The following SHOC2 variants were observed in gnomAD, a reference collection of about 807,000 sequenced individuals.
The protein encoded by SHOC2 is leucine-rich repeat protein SHOC-2.
A neutral mutation model predicts 50.2 loss-of-function variants in SHOC2; 4 were observed. The observed-to-expected ratio is 0.08, with a 90% CI of 0.04 to 0.18. The LOEUF is 0.18. SHOC2 is among the 10% of genes least tolerant of loss of function. The probability of loss-of-function intolerance (pLI) is 1.00; values close to 1 mark genes in which losing one functional copy is unlikely to be tolerated. For synonymous variants in SHOC2, 218 were observed against 244.5 expected (o/e 0.89, Z 1.01); for missense variants, 388 against 669.6 (o/e 0.58, Z 4.64).
rs746934269 is a variant in SHOC2 at position 110,976,316 on chromosome 10, CT to C, written c.704-9299del. 5.1e-3 allele frequency among the ~76,000 whole-genome samples: 734 copies of C among 142,564 alleles called. 25 individuals carry two copies. The South Asian group carries it at 0.098, about 19-fold the overall frequency. The allele number at this position is 142,564 out of a possible 152,430, so 93.5% of individuals were successfully genotyped here. A position where few individuals can be genotyped will look rare whatever the true frequency, so the allele number is the denominator to read the frequency against. On this transcript the variant is annotated intron_variant, in intron 2 of 8. Transcript: ENST00000369452. ...GTTTATTTTAAAATCTTTATTTTGC[CT>C]TTTTTTTTTTTTGAGGCAGGATCTC...
At chr10:110,923,710 C>A (rs1360739289) in intron 1 of SHOC2, among the ~76,000 whole-genome samples, 1 of 152,094 alleles carries the variant, frequency 6.6e-6, no homozygotes, top group East Asian at 1.9e-4. Flanking sequence ...CTGCTTGTAG[C>A]TAAAACATTA....
chr10:111,011,651 C>A lies in SHOC2; in HGVS notation c.1582C>A (p.Pro528Thr). 1.2e-6 allele frequency: 2 copies of A among 1,613,776 alleles called. No individual in the cohort carries two copies. Among genetic ancestry groups the A allele is most frequent in the Non-Finnish European group, 1.7e-6 (2 of 1,179,888 alleles). ...NLEELYLNDN[P>T]NLHSLPFELA... is the part of the protein sequence containing the mutation. ...AGAAGAACTGTATTTGAATGACAAC[C>A]CCAACCTGCATAGCCTTCCCTTTGA... Residue 528 changes from proline (P) to threonine (T), a missense_variant, in exon 9 of 9, where the codon CCC becomes ACC. Coordinates refer to ENST00000369452, the MANE Select transcript of SHOC2 (RefSeq NM_007373.4).
chr10:110,982,612 A>G (rs1440215027), intron 2 of SHOC2, among the ~76,000 whole-genome samples: 2 of 151,058 alleles, frequency 1.3e-5, no homozygotes, highest in Admixed American at 1.3e-4. Context: ...GCCAGTGATG[A>G]TGAGCATTTT....
intron 1 of SHOC2, among the ~76,000 whole-genome samples, chr10:110,923,557 TC>T (rs1448721954): frequency 6.6e-6 from 1 of 152,104 alleles, no homozygotes; most frequent in Non-Finnish European, 1.5e-5. Context: ...AGCATGCAGT[TC>T]CCATTATCAA....
intron 3 of SHOC2, among the ~76,000 whole-genome samples, chr10:110,994,424 A>G (rs1276878118): frequency 6.6e-6 from 1 of 152,234 alleles, no homozygotes; most frequent in Non-Finnish European, 1.5e-5. Flanking sequence ...CATCTGACAC[A>G]TAAATATTTT....
rs4918616 is a variant in SHOC2 at position 111,000,786 on chromosome 10, A to G, written c.972+241A>G. 0.97 allele frequency among the ~76,000 whole-genome samples: 148,393 copies of G among 152,244 alleles called. 72,421 individuals carry two copies. The highest frequency in any genetic ancestry group is 1 in the East Asian group (5,188 of 5,188). On this transcript the variant is annotated intron_variant, in intron 4 of 8. Transcript: ENST00000369452. ...GTAAAGAAAAAGGGAAAAACTAGGAAGAAAGTAAGTGTGCTGTATTCTACT... is the reference window on the plus strand; with the variant it reads ...GTAAAGAAAAAGGGAAAAACTAGGAGGAAAGTAAGTGTGCTGTATTCTACT...
At chr10:110,935,171 C>G (rs1846982927) in intron 1 of SHOC2, among the ~76,000 whole-genome samples, 1 of 152,166 alleles carries the variant, frequency 6.6e-6, no homozygotes. Context: ...AGGCCCTGTT[C>G]TAACAAGTGT....
intron 3 of SHOC2, among the ~76,000 whole-genome samples, chr10:110,992,740 C>T (rs1256662553): frequency 1.3e-5 from 2 of 152,142 alleles, no homozygotes; most frequent in African/African-American, 2.4e-5. Flanking sequence ...GTATGTATAA[C>T]AACTTTACTA....
intron 4 of SHOC2, among the ~76,000 whole-genome samples, chr10:111,003,848 G>A (rs753892706): frequency 2.6e-5 from 4 of 152,112 alleles, no homozygotes; most frequent in Admixed American, 6.6e-5. Context: ...GATTATATAC[G>A]GTCGTATATT....
In SHOC2 at chr10:111,012,093, GA is replaced by G. The variant is rs1848576865; in HGVS notation, c.*277del. On this transcript the variant is annotated 3_prime_UTR_variant, in exon 9 of 9. Transcript: ENST00000369452. ...CTTAAAACATTTGCCAACACATTAT[GA>G]AGTTATTAAATTTAAGGGACAGAGG... 1 of 418,016 alleles carries G rather than the reference GA, an allele frequency of 2.4e-6. No homozygotes were observed. The highest frequency in any genetic ancestry group is 2.0e-5 in the African/African-American group (1 of 49,578). The allele number at this position is 418,016 out of a possible 1,614,324, so 25.9% of individuals were successfully genotyped here. A position where few individuals can be genotyped will look rare whatever the true frequency, so the allele number is the denominator to read the frequency against.
At position 111,012,755 on chromosome 10, in the gene SHOC2, A is replaced by G. The variant is rs1848589647; in HGVS notation, c.*937A>G. On this transcript the variant is annotated 3_prime_UTR_variant, in exon 9 of 9. Coordinates refer to ENST00000369452, the MANE Select transcript of SHOC2 (RefSeq NM_007373.4). ...ATGTATTTATTATATCATAAACTACAGTAGGTAACTTTAAGGATTTCTTCC... is the reference window on the plus strand; with the variant it reads ...ATGTATTTATTATATCATAAACTACGGTAGGTAACTTTAAGGATTTCTTCC... The G allele has an allele frequency of 1.3e-5, 2 of 152,748 alleles. No homozygotes were observed. The highest frequency in any genetic ancestry group is 1.5e-5 in the Non-Finnish European group (1 of 68,020). 9.5% of individuals were successfully genotyped at this position (152,748 alleles called of 1,614,324 possible). A position where few individuals can be genotyped will look rare whatever the true frequency, so the allele number is the denominator to read the frequency against.
At chr10:111,009,945 C>A in intron 8 of SHOC2, 115 bp downstream of exon 8, 1 of 695,564 alleles carries the variant, frequency 1.4e-6, no homozygotes, top group Non-Finnish European at 2.5e-6. Flanking sequence ...TTATATCAGG[C>A]TTAAGATTTT....
At chr10:110,984,009 C>T (rs1056733084) in intron 2 of SHOC2, among the ~76,000 whole-genome samples, 1 of 152,106 alleles carries the variant, frequency 6.6e-6, no homozygotes, top group Non-Finnish European at 1.5e-5. Context: ...GCTTTCAGTT[C>T]TTTTCGATAT....
At chr10:110,968,433 A>T (rs1191980931) in intron 2 of SHOC2, among the ~76,000 whole-genome samples, 1 of 152,082 alleles carries the variant, frequency 6.6e-6, no homozygotes, top group Non-Finnish European at 1.5e-5. Flanking sequence ...ATGTAATTTG[A>T]CTTACTGCAG....
intron 2 of SHOC2, among the ~76,000 whole-genome samples, chr10:110,973,809 C>G (rs1422720613): frequency 6.6e-6 from 1 of 151,576 alleles, no homozygotes; most frequent in Non-Finnish European, 1.5e-5. Context: ...CTATTTTGTA[C>G]AGTTTGTTGA....
chr10:110,968,954 A>G (rs1414765118), intron 2 of SHOC2, among the ~76,000 whole-genome samples: 3 of 152,216 alleles, frequency 2.0e-5, no homozygotes, highest in Non-Finnish European at 4.4e-5. Flanking sequence ...TATCCTTTTA[A>G]GCATTAATGA....
At chr10:111,006,456 C>T (rs1327421641) in intron 5 of SHOC2, among the ~76,000 whole-genome samples, 4 of 151,964 alleles carry the variant, frequency 2.6e-5, no homozygotes, top group South Asian at 2.1e-4. Context: ...CTGCAAGCTC[C>T]GCCTCCCGGG....
At chr10:110,946,271 A>G (rs764625642) in intron 1 of SHOC2, among the ~76,000 whole-genome samples, 1 of 151,400 alleles carries the variant, frequency 6.6e-6, no homozygotes, top group Non-Finnish European at 1.5e-5. Flanking sequence ...CTGATCATTT[A>G]TATTTCTTAA....
chr10:110,955,805 CAT>C (rs369073443), intron 1 of SHOC2, among the ~76,000 whole-genome samples: 134 of 152,286 alleles, frequency 8.8e-4, no homozygotes, highest in African/African-American at 3.2e-3. Flanking sequence ...GACTTAATTA[CAT>C]GTTTTATTTT....
Sources: gnomAD v4.1 joint callset for allele counts (sites outside exome capture counted in the v4.1 genomes callset) on GRCh38, gnomAD v4.1.1 for gene constraint, MANE v1.5 for transcripts, NCBI Gene and HGNC (gene_info 2026-07-23, HGNC 2026-07-21) for gene names.